The following AGBL1 variants were observed in gnomAD, a reference collection of about 807,000 sequenced individuals.
AGBL1 encodes cytosolic carboxypeptidase 4.
A neutral mutation model predicts 118.9 loss-of-function variants in AGBL1; 130 were observed. The observed-to-expected ratio is 1.09, with a 90% CI of 0.95 to 1.26. The LOEUF (loss-of-function observed/expected upper bound fraction) is 1.26, where lower values mean the gene tolerates loss of function less well. Among genes scored for constraint, AGBL1 ranks in the 50% most tolerant of loss-of-function variants. The pLI is 0.00. For missense variants in AGBL1, 1,584 were observed against 1,298.1 expected (o/e 1.22, Z -3.38); for synonymous variants, 555 against 478.9 (o/e 1.16, Z -2.08).
chr15:86,175,661 CTTTTACTGTA>C (rs1288779681), intron 5 of AGBL1, among the ~76,000 whole-genome samples: 2 of 152,084 alleles, frequency 1.3e-5, no homozygotes, highest in African/African-American at 4.8e-5. Context: ...CTTAGCACCA[CTTTTACTGTA>C]TTCCACAGAT....
chr15:86,607,260 G>A lies in AGBL1; in HGVS notation c.2994+52723G>A, dbSNP rs1323800565. 2.0e-5 allele frequency among the ~76,000 whole-genome samples: 3 copies of A among 152,126 alleles called. No individual in the cohort carries two copies. In the South Asian group the frequency reaches 6.2e-4, roughly 32 times the overall value. On this transcript the variant is annotated intron_variant, in intron 21 of 22. Coordinates refer to ENST00000614907, the MANE Select transcript of AGBL1 (RefSeq NM_001386094.1). The stretch of plus-strand genomic sequence containing the variant: ...CCAAGCTTTAGCTATCATGAATCAG[G>A]TGCATCTGGGGATTGGAAGCCAATT...
intron 21 of AGBL1, among the ~76,000 whole-genome samples, chr15:86,562,016 C>G (rs12901374): frequency 0.62 from 93,683 of 152,014 alleles, 29,194 homozygotes; most frequent in East Asian, 0.89. Flanking sequence ...TATCCTGAGA[C>G]TTTGCTGAAG....
intron 16 of AGBL1, among the ~76,000 whole-genome samples, chr15:86,287,315 CT>C (rs2079470168): frequency 6.6e-6 from 1 of 152,228 alleles, no homozygotes; most frequent in Admixed American, 6.5e-5. Flanking sequence ...TCTCTTTGCT[CT>C]GTGAATTGTT....
chr15:86,272,821 G>A (rs931156024), intron 15 of AGBL1, among the ~76,000 whole-genome samples: 2 of 152,088 alleles, frequency 1.3e-5, no homozygotes, highest in Non-Finnish European at 2.9e-5. Flanking sequence ...ATATCCTTTA[G>A]AAAAATTGCA....
At chr15:86,741,364 A>G in intron 22 of AGBL1, among the ~76,000 whole-genome samples, 1 of 131,084 alleles carries the variant, frequency 7.6e-6, no homozygotes, top group East Asian at 2.8e-4. Flanking sequence ...CCAAGTGAAC[A>G]GTGGTCTAAG....
chr15:86,162,934 A>C (rs2077287686), intron 5 of AGBL1, among the ~76,000 whole-genome samples: 1 of 152,140 alleles, frequency 6.6e-6, no homozygotes, highest in South Asian at 2.1e-4. Context: ...TTCATCAGAG[A>C]AAAGGAATCT....
intron 22 of AGBL1, among the ~76,000 whole-genome samples, chr15:86,893,184 G>T (rs934300186): frequency 6.6e-6 from 1 of 152,124 alleles, no homozygotes; most frequent in African/African-American, 2.4e-5. Flanking sequence ...TTTTTCAGGA[G>T]GGAGATGGGT....
At chr15:86,136,891 G>C (rs1277096675) in intron 1 of AGBL1, among the ~76,000 whole-genome samples, 1 of 152,188 alleles carries the variant, frequency 6.6e-6, no homozygotes, top group South Asian at 2.1e-4. Context: ...GAAAGACACT[G>C]TTCTTCCAAC....
intron 22 of AGBL1, among the ~76,000 whole-genome samples, chr15:86,822,650 G>A (rs375154136): frequency 6.6e-6 from 1 of 152,120 alleles, no homozygotes; most frequent in Non-Finnish European, 1.5e-5. Context: ...AGGAAGCTGA[G>A]AAGCCAAAGA....
chr15:86,102,371 C>T (rs1896789272), intron 1 of AGBL1, among the ~76,000 whole-genome samples: 1 of 152,096 alleles, frequency 6.6e-6, no homozygotes, highest in Non-Finnish European at 1.5e-5. Flanking sequence ...TGTGTTTGCT[C>T]TGCCAGTGAG....
At chr15:86,091,784 T>C (rs1248511778) in intron 1 of AGBL1, among the ~76,000 whole-genome samples, 1 of 152,138 alleles carries the variant, frequency 6.6e-6, no homozygotes, top group Non-Finnish European at 1.5e-5. Flanking sequence ...TCTCACAATT[T>C]TTTTTCCAAT....
intron 21 of AGBL1, among the ~76,000 whole-genome samples, chr15:86,633,835 ATATATATATAATG>A (rs1310713270): frequency 5.8e-5 from 4 of 68,746 alleles, no homozygotes; most frequent in African/African-American, 2.5e-4. Flanking sequence ...TATATAATGT[ATATATATATAATG>A]TATATATATA....
chr15:86,525,098 A>T (rs2083245394), intron 19 of AGBL1, among the ~76,000 whole-genome samples: 2 of 152,156 alleles, frequency 1.3e-5, no homozygotes, highest in Middle Eastern at 3.2e-3. Context: ...GCACTGCTGT[A>T]TACCAATAAC....
intron 17 of AGBL1, among the ~76,000 whole-genome samples, chr15:86,330,368 A>G (rs1323180191): frequency 1.3e-5 from 2 of 152,190 alleles, no homozygotes; most frequent in Non-Finnish European, 2.9e-5. Flanking sequence ...GCAAAGAAAT[A>G]GGGCTATTTT....
At chr15:86,586,766 G>A (rs1405735666) in intron 21 of AGBL1, among the ~76,000 whole-genome samples, 1 of 152,156 alleles carries the variant, frequency 6.6e-6, no homozygotes. Flanking sequence ...ATAAGTCATA[G>A]GAAGGTTTAG....
chr15:86,528,192 G>A (rs916954215), intron 19 of AGBL1, among the ~76,000 whole-genome samples: 1 of 152,202 alleles, frequency 6.6e-6, no homozygotes, highest in African/African-American at 2.4e-5. Flanking sequence ...TTCCATCTGA[G>A]GTACCGGGTT....
intron 18 of AGBL1, among the ~76,000 whole-genome samples, chr15:86,455,091 C>T (rs891242750): frequency 2.0e-5 from 3 of 152,034 alleles, no homozygotes; most frequent in Non-Finnish European, 4.4e-5. Flanking sequence ...TGATTCAAGA[C>T]CTGATTTTCC....
At chr15:86,421,778 G>GA (rs201496538) in intron 18 of AGBL1, among the ~76,000 whole-genome samples, 3,392 of 151,654 alleles carry the variant, frequency 0.022, 50 homozygotes, top group Middle Eastern at 0.065. Flanking sequence ...AAATAGAAAG[G>GA]AAAAAAAGCA....
chr15:86,104,012 G>C (rs1200067106), intron 1 of AGBL1, among the ~76,000 whole-genome samples: 1 of 152,152 alleles, frequency 6.6e-6, no homozygotes, highest in African/African-American at 2.4e-5. Flanking sequence ...TGATGGGTGA[G>C]GAGGGCCAGT....
Sources: allele counts gnomAD v4.1 joint callset (sites outside exome capture counted in the v4.1 genomes callset), GRCh38; gene constraint gnomAD v4.1.1; transcripts MANE v1.5; gene names NCBI Gene and HGNC (gene_info 2026-07-23, HGNC 2026-07-21).